H6PD: variants seen among roughly 807,000 people sequenced by gnomAD.
H6PD encodes hexose-6-phosphate dehydrogenase/glucose 1-dehydrogenase.
H6PD carries 48 observed loss-of-function variants against 61.2 expected under a neutral mutation model. That is an observed-to-expected ratio of 0.78 (90% confidence interval 0.62 to 1.00). The LOEUF (loss-of-function observed/expected upper bound fraction) is 1.00. Among genes scored for constraint, H6PD ranks in the 50% least tolerant of loss-of-function variants. The probability of loss-of-function intolerance (pLI) is 0.00; values close to 1 mark genes in which losing one functional copy is unlikely to be tolerated. For synonymous variants in H6PD, 480 were observed against 457.9 expected, an observed-to-expected ratio of 1.05 and a Z score of -0.62; for missense variants, 1,093 against 1,065.0, an observed-to-expected ratio of 1.03 and a Z score of -0.37.
chr1:9,256,649 T>C (rs538354724), intron 3 of H6PD, among the ~76,000 whole-genome samples: 1 of 152,302 alleles, frequency 6.6e-6, no homozygotes, highest in South Asian at 2.1e-4. Flanking sequence ...ACTTAGGATC[T>C]GCTGCTTTTT....
chr1:9,258,799 T>C (rs958053677), intron 3 of H6PD, among the ~76,000 whole-genome samples: 1 of 152,190 alleles, frequency 6.6e-6, no homozygotes, highest in Non-Finnish European at 1.5e-5. Flanking sequence ...ACACCAGTGT[T>C]GTTACATTGC....
intron 1 of H6PD, among the ~76,000 whole-genome samples, chr1:9,242,198 G>T (rs978526424): frequency 6.6e-6 from 1 of 152,096 alleles, no homozygotes; most frequent in Admixed American, 6.5e-5. Flanking sequence ...CAGTATTCCG[G>T]AGTCTCACTA....
At position 9,245,439 on chromosome 1, in the gene H6PD, C is replaced by T. The variant is rs35668164; in HGVS notation, c.505C>T (p.Arg169Trp). ...SCRPGPGAWL[R>W]VVLEKPFGHD... ...CCGGCCAGGCCCGGGCGCCTGGCTGCGGGTTGTCCTTGAGAAACCCTTTGG... is the reference window on the plus strand; with the variant it reads ...CCGGCCAGGCCCGGGCGCCTGGCTGTGGGTTGTCCTTGAGAAACCCTTTGG... Residue 169 changes from arginine to tryptophan, a missense_variant, in exon 2 of 5, where the codon CGG (arginine) becomes TGG (tryptophan). Physicochemically the swap from Arg to Trp is moderately radical, Grantham distance 101 (BLOSUM62 -3). Coordinates refer to ENST00000377403, the MANE Select transcript of H6PD (RefSeq NM_004285.4). This position sits in a 1 kb window ranked among gnomAD's most constrained non-coding sequence, Gnocchi z 4.8. 3.8e-5 allele frequency: 62 copies of T among 1,614,000 alleles called. No individual in the cohort carries two copies. The highest frequency in any genetic ancestry group is 5.1e-5 in the Non-Finnish European group (60 of 1,180,028).
intron 3 of H6PD, among the ~76,000 whole-genome samples, chr1:9,250,669 CG>C (rs1351119264): frequency 2.0e-5 from 3 of 152,182 alleles, no homozygotes; most frequent in Non-Finnish European, 4.4e-5. Flanking sequence ...GTGGCACCTG[CG>C]TAACCGAAGC....
rs1236625496 is a variant in H6PD, at chr1:9,264,080, G to C, written c.1587G>C (p.Gln529His). The C allele has an allele frequency of 6.2e-7, 1 of 1,614,082 alleles. No individual in the cohort carries two copies. The highest frequency in any genetic ancestry group is 1.7e-5 in the Admixed American group (1 of 60,038). Residue 529 changes from glutamine to histidine, a missense_variant, in exon 5 of 5, where the codon CAG becomes CAC. Gln to His is a conservative substitution (Grantham distance 24, BLOSUM62 0). Coordinates refer to ENST00000377403, the MANE Select transcript of H6PD (RefSeq NM_004285.4). ...RLFFSQQQPE[Q>H]LVPGPGPAPM... ...TCTTTTCCCAGCAGCAGCCGGAGCAGCTGGTGCCAGGGCCAGGGCCGGCCC... is the reference window on the plus strand; with the variant it reads ...TCTTTTCCCAGCAGCAGCCGGAGCACCTGGTGCCAGGGCCAGGGCCGGCCC...
At chr1:9,242,730 C>T (rs1032434505) in intron 1 of H6PD, 2 of 985,360 alleles carry the variant, frequency 2.0e-6, no homozygotes, top group East Asian at 1.1e-4. Flanking sequence ...GTACCAGGCA[C>T]GTCCAGAGCC....
At chr1:9,257,290 A>T (rs1229109959) in intron 3 of H6PD, among the ~76,000 whole-genome samples, 2 of 145,292 alleles carry the variant, frequency 1.4e-5, no homozygotes, top group Non-Finnish European at 3.0e-5. Flanking sequence ...CACTTGGCTA[A>T]TTTTTTTTTT....
At chr1:9,263,404 C>CTGAGGCAT in intron 4 of H6PD, 105 bp from the exon 5 acceptor site, 1 of 1,084,716 alleles carries the variant, frequency 9.2e-7, no homozygotes, top group Non-Finnish European at 1.4e-6. Context: ...AGGGGCTTCC[C>CTGAGGCAT]TGAGGCAGGG....
At position 9,245,136 on chromosome 1, in the gene H6PD, A is replaced by G; in HGVS notation, c.202A>G (p.Thr68Ala). The change falls in exon 2 of 5, where the codon ACA becomes GCA. Residue 68 changes from threonine (T) to alanine (A), a missense_variant. Coordinates refer to ENST00000377403, the MANE Select transcript of H6PD (RefSeq NM_004285.4). This position sits in a 1 kb window ranked among gnomAD's most constrained non-coding sequence, Gnocchi z 4.8. Reference sequence around the variant, plus strand: ...TTTTAGCTTCCATGGAGCTGCTCTGACAGCCCCCAAGCAGGGTCAAGAGCT... The same window carrying G: ...TTTTAGCTTCCATGGAGCTGCTCTGGCAGCCCCCAAGCAGGGTCAAGAGCT... ...HSFSFHGAALTAPKQGQELMA... is the reference protein window; with the variant it reads ...HSFSFHGAALAAPKQGQELMA... The G allele has an allele frequency of 6.2e-7, 1 of 1,614,192 alleles. No individual in the cohort carries two copies. The highest frequency in any genetic ancestry group is 2.2e-5 in the East Asian group (1 of 44,876).
chr1:9,255,762 G>C (rs1270527431), intron 3 of H6PD, among the ~76,000 whole-genome samples: 1 of 152,136 alleles, frequency 6.6e-6, no homozygotes, highest in Admixed American at 6.5e-5. Flanking sequence ...TACCTCTGAG[G>C]GACACCAGCC....
Position 9,245,450 on chromosome 1 carries a change from T to C in H6PD, c.516T>C (p.Leu172=), listed in dbSNP as rs895202163. Residue 172 remains leucine, a synonymous_variant, in exon 2 of 5, where the codon CTT becomes CTC. Transcript: ENST00000377403. The surrounding 1 kb of genome is among the most constrained non-coding windows in gnomAD (Gnocchi z 4.8). ...PGPGAWLRVV[L]EKPFGHDHFS... The stretch of plus-strand genomic sequence containing the variant: ...CGGGCGCCTGGCTGCGGGTTGTCCT[T>C]GAGAAACCCTTTGGCCATGACCACT... The C allele has an allele frequency of 5.0e-6, 8 of 1,613,970 alleles. No homozygotes were observed. The African/African-American group carries it at 1.1e-4, about 22-fold the overall frequency.
intron 4 of H6PD, among the ~76,000 whole-genome samples, chr1:9,262,991 T>A (rs1475140594): frequency 6.6e-6 from 1 of 152,136 alleles, no homozygotes; most frequent in African/African-American, 2.4e-5. Context: ...CCCCTGGCTC[T>A]TGCCACCAGG....
At chr1:9,242,596 G>A (rs771699700) in intron 1 of H6PD, 20 of 985,376 alleles carry the variant, frequency 2.0e-5, no homozygotes, top group Non-Finnish European at 2.2e-5. Context: ...CCAGGAGTCA[G>A]TTCAGGCCAG....
chr1:9,244,655 C>T (rs926576970), intron 1 of H6PD, among the ~76,000 whole-genome samples: 1 of 152,210 alleles, frequency 6.6e-6, no homozygotes, highest in Non-Finnish European at 1.5e-5. Context: ...CTTTCCTATG[C>T]TCCTGGCAGC....
chr1:9,257,632 G>C (rs550187350), intron 3 of H6PD, among the ~76,000 whole-genome samples: 1 of 152,162 alleles, frequency 6.6e-6, no homozygotes, highest in South Asian at 2.1e-4. Flanking sequence ...AGCCTCCCTC[G>C]TAGTGGGGAA....
At chr1:9,261,929 A>G (rs1185216514) in intron 3 of H6PD, 130 bp from the exon 4 acceptor site, 5 of 933,200 alleles carry the variant, frequency 5.4e-6, no homozygotes, top group Non-Finnish European at 8.6e-6. Flanking sequence ...CACCATTTTT[A>G]TAGGCCCTGT....
chr1:9,247,113 C>T, intron 3 of H6PD, 30 bp downstream of exon 3: 2 of 1,419,924 alleles, frequency 1.4e-6, no homozygotes, highest in South Asian at 1.1e-5. Flanking sequence ...CACTCGGTCC[C>T]CCAGCCTCTG....
rs770186803 is a variant in H6PD, at chr1:9,263,825, C to G, written c.1332C>G (p.Ser444=). The G allele has an allele frequency of 1.2e-6, 2 of 1,613,836 alleles. No homozygotes were observed. Among genetic ancestry groups the G allele is most frequent in the East Asian group, 4.5e-5 (2 of 44,882 alleles). ...PGLRLFGSPL[S]DYYAYSPVRE... Reference sequence around the variant, plus strand: ...TCCGCCTTTTCGGCAGCCCTCTGTCCGATTACTACGCCTACAGCCCTGTGC... The same window carrying G: ...TCCGCCTTTTCGGCAGCCCTCTGTCGGATTACTACGCCTACAGCCCTGTGC... The change falls in exon 5 of 5, where the codon TCC becomes TCG. Residue 444 remains serine, a synonymous_variant. Transcript: ENST00000377403.
At chr1:9,248,879 C>T (rs918507597) in intron 3 of H6PD, among the ~76,000 whole-genome samples, 1 of 152,222 alleles carries the variant, frequency 6.6e-6, no homozygotes, top group African/African-American at 2.4e-5. Context: ...CCCTCCCAGT[C>T]CTCAGCCAGG....
Sources: gnomAD v4.1 joint callset for allele counts (sites outside exome capture counted in the v4.1 genomes callset) on GRCh38, gnomAD v4.1.1 for gene constraint, Gnocchi (gnomAD v3.1) non-coding constraint, MANE v1.5 for transcripts, NCBI Gene and HGNC (gene_info 2026-07-23, HGNC 2026-07-21) for gene names.